Variants in CADM1 observed in about 807,000 individuals in gnomAD.
CADM1 encodes TSLC-1.
A neutral mutation model predicts 53.1 loss-of-function variants in CADM1; 15 were observed. The ratio of observed to expected loss-of-function variants is 0.28; its 90% CI spans 0.19 to 0.44. The LOEUF (loss-of-function observed/expected upper bound fraction) is 0.44, where lower values mean the gene tolerates loss of function less well. Among genes scored for constraint, CADM1 ranks in the 20% least tolerant of loss-of-function variants. CADM1 has a pLI of 1.00. For missense variants in CADM1, 434 were observed against 611.3 expected (o/e 0.71, Z 3.06); for synonymous variants, 281 against 243.0 (o/e 1.16, Z -1.45).
intron 1 of CADM1, among the ~76,000 whole-genome samples, chr11:115,379,602 C>T (rs1267936725): frequency 6.6e-6 from 1 of 152,210 alleles, no homozygotes; most frequent in Non-Finnish European, 1.5e-5. Context: ...AAGCCCCTTA[C>T]ATTGAACAGG....
intron 1 of CADM1, among the ~76,000 whole-genome samples, chr11:115,350,675 C>T (rs1054986147): frequency 2.6e-5 from 4 of 151,738 alleles, no homozygotes; most frequent in African/African-American, 9.6e-5. Context: ...CGAAACAATG[C>T]TTATGAATTA....
At position 115,335,111 on chromosome 11, in the gene CADM1, T is replaced by C. The variant is rs553209653; in HGVS notation, c.125-94691A>G. ...GTCACAAGATGGCAATCTCATGCAC[T>C]GGTAAACCATAAAAATTCATAGGAA... On this transcript the variant is annotated intron_variant, in intron 1 of 11. Coordinates refer to ENST00000331581, the MANE Select transcript of CADM1 (RefSeq NM_001301043.2). Among the ~76,000 whole-genome samples the C allele has an allele frequency of 4.6e-5, 7 of 152,232 alleles. No individual in the cohort carries two copies. In the East Asian group the frequency reaches 1.2e-3, roughly 25 times the overall value.
chr11:115,487,995 A>T (rs1349216462), intron 1 of CADM1, among the ~76,000 whole-genome samples: 2 of 151,318 alleles, frequency 1.3e-5, no homozygotes, highest in African/African-American at 4.9e-5. Context: ...AAGAAAGGTT[A>T]ATGCCTCTAA....
chr11:115,240,541 A>G, intron 1 of CADM1, 121 bp from the exon 2 acceptor site: 1 of 974,294 alleles, frequency 1.0e-6, no homozygotes, highest in Admixed American at 2.0e-5. Flanking sequence ...AACATTTAGC[A>G]TGGCTCTAAT....
intron 1 of CADM1, among the ~76,000 whole-genome samples, chr11:115,336,818 C>T (rs1018491524): frequency 1.3e-5 from 2 of 152,082 alleles, no homozygotes; most frequent in Non-Finnish European, 1.5e-5. Flanking sequence ...TAACATTTTA[C>T]ATGGCATCTC....
intron 9 of CADM1, among the ~76,000 whole-genome samples, chr11:115,194,390 C>T (rs1845713297): frequency 6.6e-6 from 1 of 152,212 alleles, no homozygotes; most frequent in Admixed American, 6.5e-5. Context: ...AAAGGAAGAG[C>T]TACAGGGGCA....
chr11:115,206,355 C>T (rs1309801245), intron 8 of CADM1, among the ~76,000 whole-genome samples: 2 of 152,268 alleles, frequency 1.3e-5, no homozygotes, highest in South Asian at 2.1e-4. Flanking sequence ...AGACCTGCTC[C>T]GTGTAGGGTA....
At chr11:115,235,885 A>G (rs1054445209) in intron 3 of CADM1, among the ~76,000 whole-genome samples, 4 of 152,210 alleles carry the variant, frequency 2.6e-5, no homozygotes, top group African/African-American at 9.6e-5. Context: ...TAGTATAAAG[A>G]GAGTCCTACG....
intron 5 of CADM1, among the ~76,000 whole-genome samples, chr11:115,220,402 T>C (rs553769116): frequency 1.9e-3 from 283 of 152,318 alleles, no homozygotes; most frequent in African/African-American, 6.4e-3. Flanking sequence ...TAAGGATTTG[T>C]TATACCCAAA....
intron 1 of CADM1, among the ~76,000 whole-genome samples, chr11:115,414,149 C>T (rs897461207): frequency 2.6e-5 from 4 of 152,064 alleles, no homozygotes; most frequent in Non-Finnish European, 4.4e-5. Flanking sequence ...GAACCATTTG[C>T]TTATTTTTTG....
chr11:115,208,973 C>A (rs1043049291), intron 8 of CADM1, among the ~76,000 whole-genome samples: 4 of 152,230 alleles, frequency 2.6e-5, no homozygotes, highest in African/African-American at 7.2e-5. Flanking sequence ...GCCTCTTCCA[C>A]TCTTCCAATA....
At chr11:115,302,000 C>T (rs1409696277) in intron 1 of CADM1, among the ~76,000 whole-genome samples, 1 of 151,896 alleles carries the variant, frequency 6.6e-6, no homozygotes, top group Non-Finnish European at 1.5e-5. Flanking sequence ...TATATATGTA[C>T]ATGTAAAAAT....
Position 115,405,278 on chromosome 11 carries a change from A to G in CADM1, c.124+98993T>C, listed in dbSNP as rs1947285232. Reference sequence around the variant, plus strand: ...GAAATGCAGATTAAAACAAGAAGGTATGTTTTCACTACCATCAAATCAATG... The same window carrying G: ...GAAATGCAGATTAAAACAAGAAGGTGTGTTTTCACTACCATCAAATCAATG... On this transcript the variant is annotated intron_variant, in intron 1 of 11. Transcript: ENST00000331581. Among the ~76,000 whole-genome samples, 8 of 152,280 alleles carry G rather than the reference A, an allele frequency of 5.3e-5. No homozygotes were observed. The South Asian group carries it at 1.7e-3, about 32-fold the overall frequency.
At chr11:115,291,619 A>C (rs570584437) in intron 1 of CADM1, among the ~76,000 whole-genome samples, 2 of 152,304 alleles carry the variant, frequency 1.3e-5, no homozygotes, top group African/African-American at 4.8e-5. Context: ...TCAAGAATTA[A>C]ATGCAGTTTT....
intron 1 of CADM1, among the ~76,000 whole-genome samples, chr11:115,422,351 C>A (rs1947778658): frequency 6.6e-6 from 1 of 152,160 alleles, no homozygotes; most frequent in African/African-American, 2.4e-5. Context: ...TGACCCGAAG[C>A]TGCAGCTCTC....
At chr11:115,336,307 G>A (rs748920417) in intron 1 of CADM1, among the ~76,000 whole-genome samples, 7 of 152,086 alleles carry the variant, frequency 4.6e-5, no homozygotes, top group Non-Finnish European at 1.0e-4. Flanking sequence ...AGGCAATTAC[G>A]TCTTAGTATT....
intron 1 of CADM1, among the ~76,000 whole-genome samples, chr11:115,259,552 C>G (rs1015515785): frequency 6.6e-6 from 1 of 151,978 alleles, no homozygotes; most frequent in Admixed American, 6.5e-5. Context: ...GTGATCCACC[C>G]GCCTCGGCCT....
chr11:115,342,576 A>T (rs1261791647), intron 1 of CADM1, among the ~76,000 whole-genome samples: 1 of 152,130 alleles, frequency 6.6e-6, no homozygotes, highest in East Asian at 1.9e-4. Flanking sequence ...TATGCCAAGG[A>T]TATGCTTCAC....
intron 1 of CADM1, among the ~76,000 whole-genome samples, chr11:115,481,805 G>A (rs149199500): frequency 5.9e-4 from 90 of 152,192 alleles, no homozygotes; most frequent in African/African-American, 2.0e-3. Flanking sequence ...TTCCTCCCAA[G>A]CTGCCTAGCA....
Sources: gnomAD v4.1 joint callset for allele counts (sites outside exome capture counted in the v4.1 genomes callset) on GRCh38, gnomAD v4.1.1 for gene constraint, MANE v1.5 for transcripts, NCBI Gene and HGNC (gene_info 2026-07-23, HGNC 2026-07-21) for gene names.